Variants in TAB2 observed in about 807,000 individuals in gnomAD.
TAB2 encodes TGF-beta-activated kinase 1 and MAP3K7-binding protein 2.
Under a neutral mutation model 65.0 loss-of-function variants are expected in TAB2, and 3 were observed. That is an observed-to-expected ratio of 0.05 (90% CI 0.02 to 0.12). TAB2 has a LOEUF of 0.12. Among genes scored for constraint, TAB2 ranks in the 10% least tolerant of loss-of-function variants. TAB2 has a pLI of 1.00. For synonymous variants in TAB2, 298 were observed against 285.1 expected (o/e 1.05, Z -0.46); for missense variants, 623 against 840.3 (o/e 0.74, Z 3.20).
intron 1 of TAB2, among the ~76,000 whole-genome samples, chr6:149,232,989 GGAGTACC>G (rs1777433182): frequency 6.6e-6 from 1 of 152,112 alleles, no homozygotes; most frequent in Non-Finnish European, 1.5e-5. Flanking sequence ...ATCCTGGCCA[GGAGTACC>G]CACTCCCATG....
chr6:149,376,543 T>TGTTGTTGTTGTC (rs1781403658), intron 2 of TAB2, among the ~76,000 whole-genome samples: 1 of 152,212 alleles, frequency 6.6e-6, no homozygotes, highest in East Asian at 1.9e-4. Flanking sequence ...CACCAAGAAT[T>TGTTGTTGTTGTC]GTTGTTGTTG....
At chr6:149,339,205 A>T (rs1375638938) in intron 1 of TAB2, among the ~76,000 whole-genome samples, 1 of 152,128 alleles carries the variant, frequency 6.6e-6, no homozygotes, top group Non-Finnish European at 1.5e-5. Flanking sequence ...TCTACTAAAA[A>T]TACAAAACTT....
chr6:149,383,125 A>T (rs1781672879), intron 3 of TAB2, among the ~76,000 whole-genome samples: 1 of 152,280 alleles, frequency 6.6e-6, no homozygotes, highest in Admixed American at 6.5e-5. Context: ...ACTGCACTTC[A>T]GCCTGGCAAC....
Position 149,389,725 on chromosome 6 carries a change from T to G in TAB2, c.1604-7879T>G, listed in dbSNP as rs574642951. Among the ~76,000 whole-genome samples the G allele has an allele frequency of 7.6e-4, 115 of 152,046 alleles. 1 individual carries two copies. In the Middle Eastern group the frequency reaches 0.034, roughly 45 times the overall value. ...GTCGCATAATGACTCATCCAAGTTATATTGTTTTGAGGCTCTTTTGGTGCA... is the reference window on the plus strand; with the variant it reads ...GTCGCATAATGACTCATCCAAGTTAGATTGTTTTGAGGCTCTTTTGGTGCA... On this transcript the variant is annotated intron_variant, in intron 3 of 6. Coordinates refer to ENST00000637181, the MANE Select transcript of TAB2 (RefSeq NM_001292034.3).
chr6:149,400,565 C>G (rs371155775), intron 6 of TAB2: 2 of 1,614,096 alleles, frequency 1.2e-6, no homozygotes, highest in African/African-American at 2.7e-5. Context: ...TGAAGCAGAT[C>G]AGATTCCGAT....
At chr6:149,251,383 C>T (rs987690071) in intron 1 of TAB2, among the ~76,000 whole-genome samples, 19 of 152,114 alleles carry the variant, frequency 1.2e-4, no homozygotes, top group African/African-American at 4.3e-4. Flanking sequence ...CCATATGACC[C>T]GGCCTGTGAC....
At chr6:149,338,844 T>C (rs1464904819) in intron 1 of TAB2, among the ~76,000 whole-genome samples, 1 of 152,218 alleles carries the variant, frequency 6.6e-6, no homozygotes, top group Non-Finnish European at 1.5e-5. Context: ...AGTGAGATAA[T>C]TCACCTTGTA....
At chr6:149,384,812 A>C (rs1781735425) in intron 3 of TAB2, among the ~76,000 whole-genome samples, 1 of 152,162 alleles carries the variant, frequency 6.6e-6, no homozygotes, top group Non-Finnish European at 1.5e-5. Context: ...ACAAATTTTC[A>C]TGGTGGAGAG....
chr6:149,300,687 C>T (rs188043808), intron 1 of TAB2, among the ~76,000 whole-genome samples: 1 of 152,262 alleles, frequency 6.6e-6, no homozygotes, highest in Admixed American at 6.5e-5. Flanking sequence ...CAACACACAC[C>T]TTCCACTGTG....
rs1782533903 is a variant in TAB2 at position 149,403,300 on chromosome 6, A to ATG, written c.1939+4117_1939+4118insGT. Among the ~76,000 whole-genome samples the ATG allele has an allele frequency of 4.4e-5, 3 of 68,104 alleles. 1 individual carries two copies. Among genetic ancestry groups the ATG allele is most frequent in the Non-Finnish European group, 8.8e-5 (3 of 33,954 alleles). 44.7% of individuals were successfully genotyped at this position (68,104 alleles called of 152,430 possible). ...TATATATATACACACACACACATAT[A>ATG]TATATATATATATACACACACATAT... is the stretch of plus-strand genomic sequence containing the variant. On this transcript the variant is annotated intron_variant, in intron 6 of 6. Transcript: ENST00000637181.
At chr6:149,284,276 T>G (rs1778629737) in intron 1 of TAB2, among the ~76,000 whole-genome samples, 1 of 152,164 alleles carries the variant, frequency 6.6e-6, no homozygotes, top group Non-Finnish European at 1.5e-5. Context: ...CTCTACCCGC[T>G]GACCTGTAAC....
intron 1 of TAB2, among the ~76,000 whole-genome samples, chr6:149,220,169 G>A (rs888373542): frequency 2.0e-5 from 3 of 152,114 alleles, no homozygotes; most frequent in African/African-American, 4.8e-5. Context: ...AATCTGTTAC[G>A]CTGTCTTGGT....
At chr6:149,388,545 C>T (rs1036210464) in intron 3 of TAB2, among the ~76,000 whole-genome samples, 2 of 152,154 alleles carry the variant, frequency 1.3e-5, no homozygotes, top group Admixed American at 1.3e-4. Context: ...ATATTCTTTC[C>T]TCCTTCCTTT....
At chr6:149,344,267 A>G (rs1308767598) in intron 1 of TAB2, among the ~76,000 whole-genome samples, 1 of 152,132 alleles carries the variant, frequency 6.6e-6, no homozygotes, top group Non-Finnish European at 1.5e-5. Context: ...TAATGGTGAA[A>G]TTTTTCTCCA....
At chr6:149,234,462 T>A (rs766464654) in intron 1 of TAB2, among the ~76,000 whole-genome samples, 1 of 152,122 alleles carries the variant, frequency 6.6e-6, no homozygotes, top group Non-Finnish European at 1.5e-5. Context: ...CCCGAGCTAC[T>A]CACTGCCATC....
chr6:149,315,745 T>C (rs1252158142), upstream of TAB2, among the ~76,000 whole-genome samples: 1 of 152,228 alleles, frequency 6.6e-6, no homozygotes, highest in East Asian at 1.9e-4. Context: ...TTATATTTTA[T>C]TTTCCTCTAC....
chr6:149,328,690 G>T (rs1159641110), intron 1 of TAB2, among the ~76,000 whole-genome samples: 2 of 152,176 alleles, frequency 1.3e-5, no homozygotes, highest in Non-Finnish European at 2.9e-5. Flanking sequence ...GGACAGATAT[G>T]TAAGATACAG....
At chr6:149,239,978 G>A (rs1201455665) in intron 1 of TAB2, among the ~76,000 whole-genome samples, 1 of 152,096 alleles carries the variant, frequency 6.6e-6, no homozygotes, top group African/African-American at 2.4e-5. Flanking sequence ...ATGAAAAAAG[G>A]GCACCTGTGA....
At chr6:149,292,408 T>TTATTAGTAAGCAACAGATTGGC (rs1175091197) in intron 1 of TAB2, among the ~76,000 whole-genome samples, 1 of 152,190 alleles carries the variant, frequency 6.6e-6, no homozygotes, top group Non-Finnish European at 1.5e-5. Context: ...GCAATTAAAA[T>TTATTAGTAAGCAACAGATTGGC]TATTAGTAAG....
Sources: allele counts gnomAD v4.1 joint callset (sites outside exome capture counted in the v4.1 genomes callset), GRCh38; gene constraint gnomAD v4.1.1; transcripts MANE v1.5; gene names NCBI Gene and HGNC (gene_info 2026-07-23, HGNC 2026-07-21).